Variants in SLC10A7 observed in about 807,000 individuals in gnomAD.
SLC10A7 encodes the protein solute carrier family 10 member 7, also known as sodium/bile acid cotransporter 7.
Under a neutral mutation model 43.2 loss-of-function variants are expected in SLC10A7, and 29 were observed. That is an observed-to-expected ratio of 0.67 (90% CI 0.50 to 0.92). The LOEUF is 0.92. SLC10A7 is among the 40% of genes least tolerant of loss of function. The pLI is 0.00. For synonymous variants in SLC10A7, 152 were observed against 144.8 expected, an observed-to-expected ratio of 1.05 and a Z score of -0.35; for missense variants, 295 against 403.2, an observed-to-expected ratio of 0.73 and a Z score of 2.30.
At chr4:146,410,297 C>A (rs765626039) in intron 5 of SLC10A7, among the ~76,000 whole-genome samples, 3 of 152,144 alleles carry the variant, frequency 2.0e-5, no homozygotes, top group Non-Finnish European at 2.9e-5. Flanking sequence ...TCTCAAAACT[C>A]TTCCCCAAAT....
At chr4:146,318,470 G>C (rs1732473993) in intron 6 of SLC10A7, among the ~76,000 whole-genome samples, 1 of 152,068 alleles carries the variant, frequency 6.6e-6, no homozygotes, top group South Asian at 2.1e-4. Flanking sequence ...AAATTTCTCA[G>C]TGTTCCTCCT....
At chr4:146,382,419 G>C (rs951830490) in intron 5 of SLC10A7, among the ~76,000 whole-genome samples, 4 of 152,078 alleles carry the variant, frequency 2.6e-5, no homozygotes, top group African/African-American at 9.7e-5. Flanking sequence ...ACTCCCAGGG[G>C]CTGGGAGAAG....
intron 4 of SLC10A7, among the ~76,000 whole-genome samples, chr4:146,469,440 G>C (rs1394420891): frequency 6.6e-6 from 1 of 152,168 alleles, no homozygotes; most frequent in African/African-American, 2.4e-5. Flanking sequence ...AGGATCCGTG[G>C]AGTTAGAATC....
intron 7 of SLC10A7, among the ~76,000 whole-genome samples, chr4:146,303,289 C>T (rs766318617): frequency 2.3e-4 from 35 of 152,102 alleles, no homozygotes; most frequent in Non-Finnish European, 4.0e-4. Flanking sequence ...GCATAAAAAC[C>T]TCTGTCTTTG....
chr4:146,340,368 C>T (rs951317333), intron 5 of SLC10A7, among the ~76,000 whole-genome samples: 1 of 151,744 alleles, frequency 6.6e-6, no homozygotes, highest in African/African-American at 2.4e-5. Flanking sequence ...AATCACTTCG[C>T]CATAATCAAA....
At position 146,483,530 on chromosome 4, in the gene SLC10A7, C is replaced by T. The variant is rs142718241; in HGVS notation, c.396+20319G>A. Among the ~76,000 whole-genome samples the T allele has an allele frequency of 4.0e-5, 6 of 151,556 alleles. No homozygotes were observed. The East Asian group carries it at 1.2e-3, about 29-fold the overall frequency. Reference sequence around the variant, plus strand: ...ATAGCAATATAGAAAATGATCAAATCACAAAGGAAGACAAGAGAGGAAGAA... The same window carrying T: ...ATAGCAATATAGAAAATGATCAAATTACAAAGGAAGACAAGAGAGGAAGAA... On this transcript the variant is annotated intron_variant, in intron 4 of 11. Coordinates refer to ENST00000335472, the MANE Select transcript of SLC10A7 (RefSeq NM_001029998.6).
chr4:146,258,930 T>C (rs1196355971), intron 10 of SLC10A7, 93 bp from the exon 11 acceptor site: 1 of 1,346,860 alleles, frequency 7.4e-7, no homozygotes, highest in Non-Finnish European at 1.0e-6. Flanking sequence ...TTGGAATAGG[T>C]TATTACCATA....
chr4:146,392,151 C>A (rs574474839), intron 5 of SLC10A7, among the ~76,000 whole-genome samples: 171 of 152,204 alleles, frequency 1.1e-3, no homozygotes, highest in Admixed American at 1.9e-3. Context: ...TCATGACATG[C>A]AAAAGAACAC....
At chr4:146,491,887 T>TTGCA (rs1735478518) in intron 4 of SLC10A7, among the ~76,000 whole-genome samples, 1 of 152,160 alleles carries the variant, frequency 6.6e-6, no homozygotes, top group African/African-American at 2.4e-5. Flanking sequence ...GAAAATCTCA[T>TTGCA]TGCACTAAAC....
intron 5 of SLC10A7, among the ~76,000 whole-genome samples, chr4:146,433,164 T>A (rs1245631080): frequency 7.5e-6 from 1 of 134,058 alleles, no homozygotes; most frequent in Non-Finnish European, 1.6e-5. Flanking sequence ...ATTCTCTAGC[T>A]TTTTTTTTTT....
intron 6 of SLC10A7, among the ~76,000 whole-genome samples, chr4:146,323,786 C>T (rs1259958414): frequency 2.0e-5 from 3 of 152,136 alleles, no homozygotes; most frequent in African/African-American, 7.2e-5. Context: ...CCTCTCTCAC[C>T]ACTCCTATTC....
At chr4:146,456,844 G>T (rs1356848627) in intron 4 of SLC10A7, among the ~76,000 whole-genome samples, 1 of 151,808 alleles carries the variant, frequency 6.6e-6, no homozygotes, top group Non-Finnish European at 1.5e-5. Context: ...CTTTCTGGTG[G>T]CCAGTTCCCA....
At chr4:146,472,539 G>C (rs1006055485) in intron 4 of SLC10A7, among the ~76,000 whole-genome samples, 1 of 150,976 alleles carries the variant, frequency 6.6e-6, no homozygotes, top group Non-Finnish European at 1.5e-5. Flanking sequence ...AGGGAACCCA[G>C]CTGGGATAGG....
chr4:146,361,173 G>C (rs1736024082), intron 5 of SLC10A7, among the ~76,000 whole-genome samples: 1 of 152,048 alleles, frequency 6.6e-6, no homozygotes, highest in Non-Finnish European at 1.5e-5. Context: ...AAAACTCTGA[G>C]GAAGCAGGGC....
chr4:146,289,718 T>G (rs1055094724), intron 9 of SLC10A7, among the ~76,000 whole-genome samples: 31 of 138,588 alleles, frequency 2.2e-4, no homozygotes, highest in Middle Eastern at 3.5e-3. Context: ...TTTTTTTTTT[T>G]TTTTTTTTTT....
At chr4:146,448,193 T>C (rs1038352105) in intron 4 of SLC10A7, among the ~76,000 whole-genome samples, 5 of 151,714 alleles carry the variant, frequency 3.3e-5, no homozygotes, top group African/African-American at 1.2e-4. Flanking sequence ...ATTGTGCACA[T>C]GTACCCTAAA....
intron 5 of SLC10A7, among the ~76,000 whole-genome samples, chr4:146,410,499 G>T (rs2630292): frequency 3.3e-5 from 5 of 152,066 alleles, no homozygotes; most frequent in African/African-American, 1.2e-4. Flanking sequence ...GAGCCAGGCC[G>T]ACTGTTTTAA....
chr4:146,318,116 A>G (rs1207733036), intron 6 of SLC10A7, among the ~76,000 whole-genome samples: 5 of 152,050 alleles, frequency 3.3e-5, no homozygotes, highest in Non-Finnish European at 7.4e-5. Flanking sequence ...TGACACAAAT[A>G]TGCCACTAAT....
chr4:146,285,277 T>C (rs373862586), intron 9 of SLC10A7, among the ~76,000 whole-genome samples: 2 of 152,116 alleles, frequency 1.3e-5, no homozygotes, highest in East Asian at 1.9e-4. Flanking sequence ...AGACTAAAGA[T>C]GGTGAGGCTG....
Sources: allele counts gnomAD v4.1 joint callset (sites outside exome capture counted in the v4.1 genomes callset), GRCh38; gene constraint gnomAD v4.1.1; transcripts MANE v1.5; gene names NCBI Gene and HGNC (gene_info 2026-07-23, HGNC 2026-07-21).